Variants in ERBB4 observed in about 807,000 individuals in gnomAD.
ERBB4 encodes receptor tyrosine-protein kinase erbB-4.
Under a neutral mutation model 158.0 loss-of-function variants are expected in ERBB4, and 42 were observed. That is an observed-to-expected ratio of 0.27 (90% confidence interval 0.21 to 0.34). The LOEUF is 0.34. Among genes scored for constraint, ERBB4 ranks in the 10% least tolerant of loss-of-function variants. The pLI, the probability that ERBB4 is intolerant of heterozygous loss-of-function variation, is 1.00. For missense variants in ERBB4, 1,333 were observed against 1,624.1 expected (o/e 0.82, Z 3.08); for synonymous variants, 583 against 558.7 (o/e 1.04, Z -0.61).
At chr2:211,608,843 T>C (rs115377458) in intron 19 of ERBB4, among the ~76,000 whole-genome samples, 2,740 of 152,268 alleles carry the variant, frequency 0.018, 64 homozygotes, top group African/African-American at 0.062. Context: ...CACCCTTGTT[T>C]ACATTAATAT....
chr2:212,041,117 CT>C lies in ERBB4; in HGVS notation c.234+83634del, dbSNP rs1205472276. Reference sequence around the variant, plus strand: ...TCAGTACGTACTTCCATCTGTAAAACTGATCAATAACAAAAAACAAAAAAAA... The same window carrying C: ...TCAGTACGTACTTCCATCTGTAAAACGATCAATAACAAAAAACAAAAAAAA... On this transcript the variant is annotated intron_variant, in intron 2 of 27. Transcript: ENST00000342788. Among the ~76,000 whole-genome samples the C allele has an allele frequency of 5.9e-5, 9 of 152,118 alleles. No individual in the cohort carries two copies. The East Asian group carries it at 1.7e-3, about 29-fold the overall frequency.
chr2:211,634,504 CTTGT>C (rs2070281652), intron 16 of ERBB4, among the ~76,000 whole-genome samples: 1 of 151,810 alleles, frequency 6.6e-6, no homozygotes, highest in South Asian at 2.1e-4. Flanking sequence ...ATATCTTTTT[CTTGT>C]TTGTTTTTTT....
intron 12 of ERBB4, among the ~76,000 whole-genome samples, chr2:211,701,579 AC>A (rs1458030972): frequency 6.6e-6 from 1 of 151,526 alleles, no homozygotes; most frequent in Non-Finnish European, 1.5e-5. Context: ...ACACAGCGAA[AC>A]CCCATCTCTA....
chr2:211,680,809 A>G (rs2072304287), intron 12 of ERBB4, among the ~76,000 whole-genome samples: 1 of 152,192 alleles, frequency 6.6e-6, no homozygotes, highest in South Asian at 2.1e-4. Context: ...CTCTTTCAGC[A>G]TAGTTTAAGA....
intron 1 of ERBB4, among the ~76,000 whole-genome samples, chr2:212,524,599 AT>A (rs1560552308): frequency 6.6e-6 from 1 of 151,902 alleles, no homozygotes; most frequent in African/African-American, 2.4e-5. Flanking sequence ...TACATGGGTG[AT>A]TTTCTCCTAG....
At chr2:212,192,007 A>ATGTT (rs1491138840) in intron 1 of ERBB4, among the ~76,000 whole-genome samples, 42 of 99,124 alleles carry the variant, frequency 4.2e-4, no homozygotes, top group Middle Eastern at 7.8e-3. Context: ...TGTTATATAT[A>ATGTT]ATATATGTTA....
intron 20 of ERBB4, among the ~76,000 whole-genome samples, chr2:211,532,481 G>A (rs967538942): frequency 1.2e-4 from 18 of 151,912 alleles, no homozygotes; most frequent in Admixed American, 6.6e-4. Flanking sequence ...TATAATTTAT[G>A]GTTTTAATGA....
At chr2:212,510,230 T>C (rs1470868397) in intron 1 of ERBB4, among the ~76,000 whole-genome samples, 1 of 141,328 alleles carries the variant, frequency 7.1e-6, no homozygotes, top group Non-Finnish European at 1.5e-5. Flanking sequence ...TATATATATA[T>C]ATAACTACTC....
At chr2:212,118,731 A>G (rs2079647641) in intron 2 of ERBB4, among the ~76,000 whole-genome samples, 1 of 152,110 alleles carries the variant, frequency 6.6e-6, no homozygotes, top group Non-Finnish European at 1.5e-5. Flanking sequence ...AAAAAAAAAT[A>G]GAAATTTTTA....
intron 3 of ERBB4, among the ~76,000 whole-genome samples, chr2:211,895,641 T>A (rs1374346197): frequency 2.6e-5 from 4 of 152,122 alleles, no homozygotes; most frequent in Non-Finnish European, 5.9e-5. Context: ...AACATCTCCC[T>A]CATTAATATA....
chr2:212,327,502 C>G (rs1204313307), intron 1 of ERBB4, among the ~76,000 whole-genome samples: 1 of 151,748 alleles, frequency 6.6e-6, no homozygotes, highest in Non-Finnish European at 1.5e-5. Flanking sequence ...TCAGTTAGTG[C>G]TCAAGGCAGC....
intron 19 of ERBB4, among the ~76,000 whole-genome samples, chr2:211,617,982 T>C (rs1369402575): frequency 6.6e-6 from 1 of 152,084 alleles, no homozygotes; most frequent in African/African-American, 2.4e-5. Flanking sequence ...ATAATTTTAT[T>C]CCATCCTACT....
chr2:212,458,470 G>GGAAT (rs2106056927), intron 1 of ERBB4, among the ~76,000 whole-genome samples: 1 of 152,200 alleles, frequency 6.6e-6, no homozygotes, highest in South Asian at 2.1e-4. Context: ...TTTGCAATAA[G>GGAAT]GAATGAATCA....
chr2:212,061,910 T>G (rs1285179096), intron 2 of ERBB4, among the ~76,000 whole-genome samples: 1 of 151,846 alleles, frequency 6.6e-6, no homozygotes, highest in Non-Finnish European at 1.5e-5. Flanking sequence ...TAATTTTGTA[T>G]TTTTGGTACA....
chr2:212,089,940 C>G (rs1017398637), intron 2 of ERBB4, among the ~76,000 whole-genome samples: 1 of 152,126 alleles, frequency 6.6e-6, no homozygotes, highest in African/African-American at 2.4e-5. Context: ...TTAGAGCAAG[C>G]AGCCTAGTAC....
At chr2:211,796,142 A>T (rs2076377454) in intron 3 of ERBB4, among the ~76,000 whole-genome samples, 1 of 151,914 alleles carries the variant, frequency 6.6e-6, no homozygotes, top group African/African-American at 2.4e-5. Flanking sequence ...ACACCACAGC[A>T]GCCTTCCTCA....
chr2:212,396,276 C>T (rs1261686451), intron 1 of ERBB4, among the ~76,000 whole-genome samples: 2 of 152,086 alleles, frequency 1.3e-5, no homozygotes, highest in African/African-American at 4.8e-5. Flanking sequence ...GCCCAAAATT[C>T]AGAATGAATC....
At chr2:211,431,194 C>G (rs1298584656) in intron 20 of ERBB4, 94 bp from the exon 21 acceptor site, 1 of 1,153,004 alleles carries the variant, frequency 8.7e-7, no homozygotes, top group Non-Finnish European at 1.3e-6. Flanking sequence ...GTTGGAAGTG[C>G]CTAATTTTTT....
chr2:211,588,348 C>A (rs1031025550), intron 19 of ERBB4, among the ~76,000 whole-genome samples: 5 of 151,740 alleles, frequency 3.3e-5, no homozygotes, highest in Non-Finnish European at 7.4e-5. Flanking sequence ...ATGAACACTT[C>A]AAAAAATAAA....
Sources: allele counts gnomAD v4.1 joint callset (sites outside exome capture counted in the v4.1 genomes callset), GRCh38; gene constraint gnomAD v4.1.1; transcripts MANE v1.5; gene names NCBI Gene and HGNC (gene_info 2026-07-23, HGNC 2026-07-21).